The following KALRN variants were observed in gnomAD, a reference collection of about 807,000 sequenced individuals.
The protein encoded by KALRN is kalirin.
KALRN carries 70 observed loss-of-function variants against 353.7 expected under a neutral mutation model. The ratio of observed to expected loss-of-function variants is 0.20; its 90% CI spans 0.16 to 0.24. The LOEUF (loss-of-function observed/expected upper bound fraction) is 0.24. Among genes scored for constraint, KALRN ranks in the 10% least tolerant of loss-of-function variants. The probability of loss-of-function intolerance (pLI) is 1.00; values close to 1 mark genes in which losing one functional copy is unlikely to be tolerated. For missense variants in KALRN, 2,791 were observed against 3,756.7 expected (o/e 0.74, Z 6.72); for synonymous variants, 1,391 against 1,434.8 (o/e 0.97, Z 0.69).
At chr3:124,324,824 C>G (rs16835273) in intron 6 of KALRN, among the ~76,000 whole-genome samples, 2,299 of 152,272 alleles carry the variant, frequency 0.015, 62 homozygotes, top group African/African-American at 0.052. Context: ...TGAACTACAT[C>G]TGAGCTAACA....
At chr3:124,566,520 G>T (rs960622781) in intron 34 of KALRN, among the ~76,000 whole-genome samples, 2 of 147,072 alleles carry the variant, frequency 1.4e-5, no homozygotes, top group African/African-American at 5.0e-5. Flanking sequence ...AAAAAAAAAA[G>T]GACCTAAGTC....
intron 10 of KALRN, among the ~76,000 whole-genome samples, chr3:124,354,422 G>A (rs1392295937): frequency 6.6e-6 from 1 of 152,184 alleles, no homozygotes; most frequent in Non-Finnish European, 1.5e-5. Flanking sequence ...AGTGCATCTT[G>A]TAAGGACTGG....
chr3:124,224,558 G>A (rs935451059), intron 1 of KALRN, among the ~76,000 whole-genome samples: 5 of 152,074 alleles, frequency 3.3e-5, no homozygotes, highest in Non-Finnish European at 7.4e-5. Flanking sequence ...CAATGGCAAT[G>A]GAAGCTTGCC....
At chr3:124,092,829 G>A (rs1248035232) in intron 1 of KALRN, among the ~76,000 whole-genome samples, 1 of 152,198 alleles carries the variant, frequency 6.6e-6, no homozygotes, top group Non-Finnish European at 1.5e-5. Context: ...GGAGATGATA[G>A]TTATGAAAGT....
At chr3:124,569,019 G>C (rs1281448429) in intron 34 of KALRN, among the ~76,000 whole-genome samples, 1 of 152,196 alleles carries the variant, frequency 6.6e-6, no homozygotes, top group Non-Finnish European at 1.5e-5. Flanking sequence ...TTCTGCCCCA[G>C]GCTCCAATAA....
chr3:124,598,502 G>T (rs148680355), intron 34 of KALRN, among the ~76,000 whole-genome samples: 1 of 152,230 alleles, frequency 6.6e-6, no homozygotes, highest in African/African-American at 2.4e-5. Flanking sequence ...CTGACTCCTG[G>T]TCCCCTCAAT....
intron 36 of KALRN, among the ~76,000 whole-genome samples, chr3:124,634,781 G>T (rs2081178477): frequency 6.6e-6 from 1 of 152,088 alleles, no homozygotes; most frequent in South Asian, 2.1e-4. Context: ...TGACTGTATG[G>T]CACTTTCCAT....
At chr3:124,339,786 T>A (rs2081501502) in intron 9 of KALRN, among the ~76,000 whole-genome samples, 1 of 152,158 alleles carries the variant, frequency 6.6e-6, no homozygotes, top group Non-Finnish European at 1.5e-5. Flanking sequence ...GAGGTAGGAA[T>A]TAAGAGAGGA....
intron 1 of KALRN, among the ~76,000 whole-genome samples, chr3:124,196,362 G>T (rs1243353023): frequency 6.6e-6 from 1 of 152,146 alleles, no homozygotes; most frequent in Non-Finnish European, 1.5e-5. Context: ...AATGGGGACT[G>T]CTGCTGCCAT....
Position 124,413,682 on chromosome 3 carries a change from A to C in KALRN, c.2542+17A>C, listed in dbSNP as rs1431874077. 10 of 1,605,784 alleles carry C rather than the reference A, an allele frequency of 6.2e-6. No individual in the cohort carries two copies. Among genetic ancestry groups the C allele is most frequent in the Non-Finnish European group, 8.5e-6 (10 of 1,173,846 alleles). On this transcript the variant is annotated intron_variant, in intron 14 of 59. Coordinates refer to ENST00000682506, the MANE Select transcript of KALRN (RefSeq NM_001388419.1). Reference sequence around the variant, plus strand: ...AGGCATCAGGTGGGTGACCTCGCTCATTCTCCTGGCAGAGGAGATGATGAA... The same window carrying C: ...AGGCATCAGGTGGGTGACCTCGCTCCTTCTCCTGGCAGAGGAGATGATGAA...
intron 1 of KALRN, among the ~76,000 whole-genome samples, chr3:124,129,855 T>C (rs765719271): frequency 6.6e-6 from 1 of 152,022 alleles, no homozygotes; most frequent in Non-Finnish European, 1.5e-5. Context: ...GTGAAAGGGG[T>C]TGGATGGGTA....
chr3:124,515,241 A>G (rs1021948183), intron 33 of KALRN, among the ~76,000 whole-genome samples: 1 of 152,248 alleles, frequency 6.6e-6, no homozygotes, highest in Non-Finnish European at 1.5e-5. Flanking sequence ...TGGGGCCTAC[A>G]GTATATTAAA....
chr3:124,596,827 C>T (rs548411261), intron 34 of KALRN, among the ~76,000 whole-genome samples: 3 of 152,304 alleles, frequency 2.0e-5, no homozygotes, highest in East Asian at 3.9e-4. Flanking sequence ...GTGGGTAGAT[C>T]AGTTGAGGCC....
At chr3:124,423,180 A>G (rs1466863009) in intron 15 of KALRN, among the ~76,000 whole-genome samples, 2 of 152,240 alleles carry the variant, frequency 1.3e-5, no homozygotes, top group African/African-American at 4.8e-5. Flanking sequence ...CAGTGATACA[A>G]TGGCTCAAAC....
chr3:124,360,605 A>G (rs1190458081), intron 10 of KALRN, among the ~76,000 whole-genome samples: 1 of 152,250 alleles, frequency 6.6e-6, no homozygotes, highest in Admixed American at 6.5e-5. Flanking sequence ...TGGTTTAGAA[A>G]GGAAGCAAGG....
At chr3:124,707,617 G>T (rs1448462762) in intron 57 of KALRN, among the ~76,000 whole-genome samples, 1 of 152,104 alleles carries the variant, frequency 6.6e-6, no homozygotes, top group African/African-American at 2.4e-5. Flanking sequence ...TCTGGCCAAA[G>T]GACAAAGAAA....
chr3:124,068,318 C>T (rs954194626), intron 1 of KALRN, among the ~76,000 whole-genome samples: 16 of 152,184 alleles, frequency 1.1e-4, no homozygotes, highest in Admixed American at 2.0e-4. Context: ...TGCCTTTCCA[C>T]GGGTAGCATC....
At chr3:124,079,140 G>A (rs1276235945) in intron 1 of KALRN, among the ~76,000 whole-genome samples, 7 of 152,248 alleles carry the variant, frequency 4.6e-5, no homozygotes, top group Non-Finnish European at 5.9e-5. Context: ...TTCTTGGGTC[G>A]GGAAGAGAGA....
chr3:124,649,109 G>A (rs1266056129), intron 37 of KALRN, among the ~76,000 whole-genome samples: 1 of 152,126 alleles, frequency 6.6e-6, no homozygotes. Flanking sequence ...GGCACATTTT[G>A]TCAGTTTGGG....
Sources: gnomAD v4.1 joint callset for allele counts (sites outside exome capture counted in the v4.1 genomes callset) on GRCh38, gnomAD v4.1.1 for gene constraint, MANE v1.5 for transcripts, NCBI Gene and HGNC (gene_info 2026-07-23, HGNC 2026-07-21) for gene names.